PTPRA: variants seen among roughly 807,000 people sequenced by gnomAD.
PTPRA encodes the protein protein tyrosine phosphatase receptor type A.
PTPRA carries 25 observed loss-of-function variants against 104.8 expected under a neutral mutation model. That is an observed-to-expected ratio of 0.24 (90% CI 0.17 to 0.33). The LOEUF (loss-of-function observed/expected upper bound fraction) is 0.33, where lower values mean the gene tolerates loss of function less well. Among genes scored for constraint, PTPRA ranks in the 10% least tolerant of loss-of-function variants. The pLI is 1.00. For missense variants in PTPRA, 765 were observed against 1,015.3 expected, an observed-to-expected ratio of 0.75 and a Z score of 3.35; for synonymous variants, 323 against 368.9, an observed-to-expected ratio of 0.88 and a Z score of 1.43.
At chr20:2,955,357 A>C (rs750699661) in intron 3 of PTPRA, among the ~76,000 whole-genome samples, 3 of 152,204 alleles carry the variant, frequency 2.0e-5, no homozygotes. Flanking sequence ...CTCCAGACTC[A>C]TCTCTTTCAA....
chr20:2,931,318 G>T (rs546850410), intron 2 of PTPRA, among the ~76,000 whole-genome samples: 3 of 152,272 alleles, frequency 2.0e-5, no homozygotes, highest in Admixed American at 2.0e-4. Flanking sequence ...CGAAAAAGTA[G>T]TATGTAAACT....
chr20:2,906,657 TC>T (rs1319480563), intron 1 of PTPRA, among the ~76,000 whole-genome samples: 1 of 152,188 alleles, frequency 6.6e-6, no homozygotes, highest in East Asian at 1.9e-4. Flanking sequence ...TGCTTCCTAT[TC>T]AATAAATAAT....
At chr20:3,021,163 T>G (rs2064849032) in intron 13 of PTPRA, 146 bp from the exon 14 acceptor site, 1 of 1,094,692 alleles carries the variant, frequency 9.1e-7, no homozygotes, top group African/African-American at 1.6e-5. Context: ...AATAAGTAAG[T>G]GTGCAACTGA....
chr20:2,881,007 C>G (rs755282815), intron 1 of PTPRA, among the ~76,000 whole-genome samples: 12 of 149,900 alleles, frequency 8.0e-5, no homozygotes, highest in Non-Finnish European at 1.6e-4. Context: ...GACTCTGTGT[C>G]TCAAAAAAAA....
At chr20:2,977,652 A>C (rs1372931699) in intron 6 of PTPRA, among the ~76,000 whole-genome samples, 1 of 152,036 alleles carries the variant, frequency 6.6e-6, no homozygotes, top group African/African-American at 2.4e-5. Context: ...CTCAAAAAAA[A>C]AAAGGGCGGG....
intron 1 of PTPRA, among the ~76,000 whole-genome samples, chr20:2,887,249 T>C (rs1458764754): frequency 6.6e-6 from 1 of 152,256 alleles, no homozygotes; most frequent in Non-Finnish European, 1.5e-5. Context: ...ATGTATTTCA[T>C]TTGAAATGTT....
intron 6 of PTPRA, among the ~76,000 whole-genome samples, chr20:2,977,470 A>G (rs1231870365): frequency 2.6e-5 from 4 of 151,830 alleles, no homozygotes; most frequent in African/African-American, 4.8e-5. Context: ...ATATGGGGAA[A>G]CCTTGTCTCT....
chr20:2,883,192 G>T (rs937289328), intron 1 of PTPRA, among the ~76,000 whole-genome samples: 22 of 151,710 alleles, frequency 1.5e-4, no homozygotes, highest in Non-Finnish European at 3.1e-4. Flanking sequence ...TACAAAATCT[G>T]AAAAATACCT....
chr20:2,994,287 G>C (rs1162270646), intron 9 of PTPRA, among the ~76,000 whole-genome samples: 1 of 152,112 alleles, frequency 6.6e-6, no homozygotes, highest in Non-Finnish European at 1.5e-5. Flanking sequence ...GGTCTGAAAT[G>C]ACCCAGGCCT....
intron 1 of PTPRA, among the ~76,000 whole-genome samples, chr20:2,910,198 T>C (rs184942224): frequency 0.043 from 4,132 of 96,854 alleles, 194 homozygotes; most frequent in Admixed American, 0.12. Flanking sequence ...ATATATGATA[T>C]ATATACTATA....
intron 1 of PTPRA, among the ~76,000 whole-genome samples, chr20:2,902,616 T>G (rs2059280341): frequency 6.6e-6 from 1 of 152,224 alleles, no homozygotes; most frequent in Admixed American, 6.5e-5. Context: ...CATTGTTGAA[T>G]AGATTTAAAT....
At chr20:2,971,104 A>ATCTTTTTCTC in intron 5 of PTPRA, among the ~76,000 whole-genome samples, 2 of 152,198 alleles carry the variant, frequency 1.3e-5, no homozygotes, top group African/African-American at 4.8e-5. Context: ...AAAGTATTTA[A>ATCTTTTTCTC]TATCCAGTAA....
At position 3,038,343 on chromosome 20, in the gene PTPRA, T is replaced by C; in HGVS notation, c.*210T>C. The C allele has an allele frequency of 2.0e-6, 1 of 493,812 alleles. No individual in the cohort carries two copies. The highest frequency in any genetic ancestry group is 2.6e-5 in the South Asian group (1 of 39,004). The allele number at this position is 493,812 out of a possible 1,614,324, so 30.6% of individuals were successfully genotyped here. ...AATGTTTTATTGGGGAATTAAATAG[T>C]GTGATGTTTGGATTGATATCGTGAA... is the stretch of plus-strand genomic sequence containing the variant. On this transcript the variant is annotated 3_prime_UTR_variant, in exon 24 of 24. Transcript: ENST00000399903.
the PTPRA span, chr20:2,866,566 A>T: frequency 6.2e-7 from 1 of 1,614,116 alleles, no homozygotes; most frequent in Non-Finnish European, 8.5e-7. Flanking sequence ...ACAAGCCCAG[A>T]AGAAGTGAGG....
chr20:2,988,093 A>C lies in PTPRA; in HGVS notation c.589A>C (p.Thr197Pro). 6.3e-7 allele frequency: 1 copy of C among 1,585,436 alleles called. No homozygotes were observed. The highest frequency in any genetic ancestry group is 8.7e-7 in the Non-Finnish European group (1 of 1,153,892). ...TTCTTTCCGCTTATCCAACGGCCGC[A>C]CTGAGGATGTGGGTAAGGCATTCCT... Reference protein sequence around the residue: ...SNSFRLSNGRTEDVEPQSVPL... With the variant: ...SNSFRLSNGRPEDVEPQSVPL... Residue 197 changes from threonine to proline, a missense_variant, in exon 8 of 24, where the codon ACT (threonine) becomes CCT (proline). This residue lies in a region of PTPRA where 256 missense variants were observed against 248.9 expected (regional missense o/e 1.03). Transcript: ENST00000399903.
At chr20:3,026,194 C>A (rs2065137156) in intron 17 of PTPRA, among the ~76,000 whole-genome samples, 2 of 151,884 alleles carry the variant, frequency 1.3e-5, no homozygotes, top group South Asian at 4.1e-4. Flanking sequence ...ACCTTGGCCT[C>A]CCAAAGTGCT....
At chr20:2,997,515 C>T (rs987475506) in intron 9 of PTPRA, among the ~76,000 whole-genome samples, 1 of 152,076 alleles carries the variant, frequency 6.6e-6, no homozygotes, top group African/African-American at 2.4e-5. Context: ...GGATGTTGTT[C>T]TGGAGAGAAA....
chr20:3,034,815 A>C (rs992392070), intron 20 of PTPRA, among the ~76,000 whole-genome samples: 2 of 152,152 alleles, frequency 1.3e-5, no homozygotes, highest in Admixed American at 1.3e-4. Flanking sequence ...AGAATCTCAG[A>C]TCTTACCCCC....
chr20:2,868,371 C>G, the PTPRA span, among the ~76,000 whole-genome samples: 1 of 135,826 alleles, frequency 7.4e-6, no homozygotes, highest in Non-Finnish European at 1.6e-5. Context: ...CTTATGTTGC[C>G]CAAGCTGGTT....
Sources: gnomAD v4.1 joint callset for allele counts (sites outside exome capture counted in the v4.1 genomes callset) on GRCh38, gnomAD v4.1.1 for gene constraint, gnomAD v4.1.1 regional missense constraint, MANE v1.5 for transcripts, NCBI Gene and HGNC (gene_info 2026-07-23, HGNC 2026-07-21) for gene names.